PPP1R9A: variants seen among roughly 807,000 people sequenced by gnomAD.
PPP1R9A encodes the protein protein phosphatase 1 regulatory subunit 9A, also known as neurabin-1.
Under a neutral mutation model 141.9 loss-of-function variants are expected in PPP1R9A, and 59 were observed. The ratio of observed to expected loss-of-function variants is 0.42; its 90% confidence interval spans 0.34 to 0.52. The LOEUF is 0.52. PPP1R9A is among the 20% of genes least tolerant of loss of function. The probability of loss-of-function intolerance (pLI) is 0.10; values close to 1 mark genes in which losing one functional copy is unlikely to be tolerated. For missense variants in PPP1R9A, 1,444 were observed against 1,611.9 expected (o/e 0.90, Z 1.78); for synonymous variants, 500 against 569.7 (o/e 0.88, Z 1.74).
intron 4 of PPP1R9A, chr7:95,156,787 C>CA (rs922209773): frequency 6.6e-6 from 1 of 152,150 alleles, no homozygotes; most frequent in Non-Finnish European, 1.5e-5. Context: ...GATGTCTCTG[C>CA]AGGTTTCTGA....
intron 2 of PPP1R9A, among the ~76,000 whole-genome samples, chr7:94,995,386 A>G (rs956516841): frequency 3.9e-4 from 60 of 152,028 alleles, no homozygotes; most frequent in African/African-American, 1.3e-3. Context: ...TTTCCCCCCA[A>G]TGTTTTCTTT....
chr7:95,042,850 C>G (rs535124616), intron 2 of PPP1R9A, among the ~76,000 whole-genome samples: 98 of 152,068 alleles, frequency 6.4e-4, no homozygotes, highest in South Asian at 1.2e-3. Context: ...TTGAAATAAA[C>G]AGAGTTTAGC....
intron 8 of PPP1R9A, among the ~76,000 whole-genome samples, chr7:95,235,505 A>G (rs1419742177): frequency 2.0e-5 from 3 of 152,206 alleles, no homozygotes; most frequent in Non-Finnish European, 4.4e-5. Context: ...GCCATAATCA[A>G]AAAATCAAAA....
chr7:95,279,143 A>G (rs1045209693), intron 16 of PPP1R9A, among the ~76,000 whole-genome samples: 2 of 152,218 alleles, frequency 1.3e-5, no homozygotes, highest in African/African-American at 4.8e-5. Context: ...TGAAGAATGA[A>G]TGGGCTATAT....
chr7:94,961,763 C>T (rs1797668096), intron 2 of PPP1R9A, among the ~76,000 whole-genome samples: 1 of 151,898 alleles, frequency 6.6e-6, no homozygotes, highest in Non-Finnish European at 1.5e-5. Flanking sequence ...TATCGTTTAA[C>T]ACATTCATGT....
At chr7:94,913,429 T>G (rs989414398) in intron 2 of PPP1R9A, among the ~76,000 whole-genome samples, 1 of 152,186 alleles carries the variant, frequency 6.6e-6, no homozygotes, top group African/African-American at 2.4e-5. Context: ...TTACCTACAT[T>G]TAATGCATTT....
intron 5 of PPP1R9A, among the ~76,000 whole-genome samples, chr7:95,189,473 G>T (rs1337148887): frequency 1.7e-5 from 2 of 116,638 alleles, no homozygotes; most frequent in Admixed American, 1.2e-4. Context: ...GTCTCGCTCT[G>T]TCGCCCAGGC....
At position 95,261,899 on chromosome 7, in the gene PPP1R9A, C is replaced by T. The variant is rs1173464838; in HGVS notation, c.2666-6651C>T. Among the ~76,000 whole-genome samples, 3 of 152,130 alleles carry T rather than the reference C, an allele frequency of 2.0e-5. No homozygotes were observed. In the East Asian group the frequency reaches 5.8e-4, roughly 29 times the overall value. On this transcript the variant is annotated intron_variant, in intron 12 of 19. Transcript: ENST00000433360. ...TTCAGTTTTCTTACATTTTCTAATG[C>T]TTTACATAACAAAATCTTCCCATGA...
chr7:95,286,358 G>T, intron 18 of PPP1R9A, 33 bp downstream of exon 18: 1 of 1,607,558 alleles, frequency 6.2e-7, no homozygotes, highest in Non-Finnish European at 8.5e-7. Context: ...GAGCTGCTTT[G>T]TCAAATCTGA....
chr7:95,272,315 C>T (rs1283417686), intron 14 of PPP1R9A, among the ~76,000 whole-genome samples: 1 of 152,156 alleles, frequency 6.6e-6, no homozygotes, highest in African/African-American at 2.4e-5. Flanking sequence ...TTTTCTTCAG[C>T]TTCTATTAAG....
chr7:95,075,904 A>G (rs2152234126), intron 2 of PPP1R9A, among the ~76,000 whole-genome samples: 1 of 152,260 alleles, frequency 6.6e-6, no homozygotes, highest in Non-Finnish European at 1.5e-5. Context: ...GGGCAGAGCA[A>G]TGGGTAACTT....
intron 7 of PPP1R9A, among the ~76,000 whole-genome samples, chr7:95,205,748 G>A (rs571528454): frequency 6.6e-6 from 1 of 152,252 alleles, no homozygotes; most frequent in African/African-American, 2.4e-5. Flanking sequence ...GCATTGCTGG[G>A]CTAGTGGTCT....
intron 2 of PPP1R9A, among the ~76,000 whole-genome samples, chr7:95,029,389 T>A (rs1248430663): frequency 6.6e-6 from 1 of 152,202 alleles, no homozygotes; most frequent in Non-Finnish European, 1.5e-5. Flanking sequence ...AGACCAGATT[T>A]TGATTTATAA....
At chr7:94,934,153 A>T (rs1423661959) in intron 2 of PPP1R9A, among the ~76,000 whole-genome samples, 1 of 152,180 alleles carries the variant, frequency 6.6e-6, no homozygotes, top group African/African-American at 2.4e-5. Context: ...TGACCCAGGA[A>T]TTATTTGAAT....
intron 2 of PPP1R9A, among the ~76,000 whole-genome samples, chr7:95,106,968 G>A (rs1819617406): frequency 6.6e-6 from 1 of 152,018 alleles, no homozygotes; most frequent in Non-Finnish European, 1.5e-5. Context: ...TTTTAGTAGA[G>A]ATGGGGTTTC....
At chr7:94,959,072 G>C (rs1185335268) in intron 2 of PPP1R9A, among the ~76,000 whole-genome samples, 4 of 151,926 alleles carry the variant, frequency 2.6e-5, no homozygotes, top group Non-Finnish European at 5.9e-5. Context: ...ACTTAGTTTG[G>C]ATGTAAATGA....
chr7:94,964,305 C>G (rs1047204754), intron 2 of PPP1R9A, among the ~76,000 whole-genome samples: 1 of 151,860 alleles, frequency 6.6e-6, no homozygotes, highest in Non-Finnish European at 1.5e-5. Context: ...AGATAATTAT[C>G]TGGGAGTGTA....
intron 2 of PPP1R9A, among the ~76,000 whole-genome samples, chr7:95,065,565 T>C (rs1471452153): frequency 6.6e-6 from 1 of 152,198 alleles, no homozygotes; most frequent in African/African-American, 2.4e-5. Flanking sequence ...TGATGACTTA[T>C]TCCAAGAAAA....
rs1476615429 is a variant in PPP1R9A, at chr7:95,283,930, C to T, written c.3297-88C>T. The T allele has an allele frequency of 5.1e-6, 6 of 1,172,020 alleles. No homozygotes were observed. The Admixed American group carries it at 1.4e-4, about 27-fold the overall frequency. 72.6% of individuals were successfully genotyped at this position (1,172,020 alleles called of 1,614,324 possible). On this transcript the variant is annotated intron_variant, in intron 16 of 19. Transcript: ENST00000433360. The stretch of plus-strand genomic sequence containing the variant: ...AATAGAACAGTTTCTCAAATTGTTA[C>T]TTCAAACTATATTCAGAGTCCTTGG...
Sources: allele counts gnomAD v4.1 joint callset (sites outside exome capture counted in the v4.1 genomes callset), GRCh38; gene constraint gnomAD v4.1.1; transcripts MANE v1.5; gene names NCBI Gene and HGNC (gene_info 2026-07-23, HGNC 2026-07-21).